PPP1R9A: variants seen among roughly 807,000 people sequenced by gnomAD.
The protein encoded by PPP1R9A is protein phosphatase 1 regulatory subunit 9A.
Under a neutral mutation model 141.9 loss-of-function variants are expected in PPP1R9A, and 59 were observed. The observed-to-expected ratio is 0.42, with a 90% confidence interval of 0.34 to 0.52. PPP1R9A has a LOEUF of 0.52. Among genes scored for constraint, PPP1R9A ranks in the 20% least tolerant of loss-of-function variants. The pLI is 0.10. For synonymous variants in PPP1R9A, 500 were observed against 569.7 expected (o/e 0.88, Z 1.74); for missense variants, 1,444 against 1,611.9 (o/e 0.90, Z 1.78).
chr7:95,083,086 A>G (rs1173424935), intron 2 of PPP1R9A, among the ~76,000 whole-genome samples: 2 of 151,922 alleles, frequency 1.3e-5, no homozygotes, highest in Non-Finnish European at 2.9e-5. Context: ...TGCAAGGTTC[A>G]TGGCTGTGGT....
intron 2 of PPP1R9A, among the ~76,000 whole-genome samples, chr7:95,102,875 A>G (rs1818973664): frequency 6.6e-6 from 1 of 152,234 alleles, no homozygotes; most frequent in South Asian, 2.1e-4. Flanking sequence ...TTATGGGTCA[A>G]CGTTGGTAGG....
intron 4 of PPP1R9A, among the ~76,000 whole-genome samples, chr7:95,151,235 CT>C (rs1171299612): frequency 6.6e-6 from 1 of 152,206 alleles, no homozygotes; most frequent in Non-Finnish European, 1.5e-5. Context: ...CCAGGATGTC[CT>C]ACACTGGGTG....
intron 2 of PPP1R9A, among the ~76,000 whole-genome samples, chr7:95,004,039 T>G (rs570566449): frequency 2.0e-5 from 3 of 152,066 alleles, no homozygotes; most frequent in Admixed American, 1.3e-4. Flanking sequence ...TGTTACAGTG[T>G]GGTGGCATTT....
intron 4 of PPP1R9A, among the ~76,000 whole-genome samples, chr7:95,130,319 C>T (rs1824356208): frequency 6.6e-6 from 1 of 152,158 alleles, no homozygotes; most frequent in African/African-American, 2.4e-5. Flanking sequence ...CAAGCCTTGG[C>T]AGCTTCCATA....
At chr7:95,281,761 G>C (rs531537930) in intron 16 of PPP1R9A, among the ~76,000 whole-genome samples, 1 of 152,084 alleles carries the variant, frequency 6.6e-6, no homozygotes, top group Non-Finnish European at 1.5e-5. Flanking sequence ...CTGTTCACTG[G>C]GAGTAGGACA....
intron 2 of PPP1R9A, among the ~76,000 whole-genome samples, chr7:95,050,802 AT>A (rs1432548499): frequency 1.3e-5 from 2 of 152,204 alleles, no homozygotes; most frequent in African/African-American, 4.8e-5. Context: ...AATTTAAGGC[AT>A]TTTAATTTTA....
chr7:95,272,474 G>T lies in PPP1R9A; in HGVS notation c.3125-1425G>T, dbSNP rs185163652. 1.9e-3 allele frequency among the ~76,000 whole-genome samples: 294 copies of T among 152,238 alleles called. 1 individual carries two copies. The highest frequency in any genetic ancestry group is 6.7e-3 in the African/African-American group (277 of 41,528). On this transcript the variant is annotated intron_variant, in intron 14 of 19. Transcript: ENST00000433360. ...ACCCAAAGAGTAATGATGCAAATAT[G>T]CATAATAAATATTTGAGGCTTGAAG...
chr7:95,267,048 T>C (rs1019906530), intron 12 of PPP1R9A, among the ~76,000 whole-genome samples: 5 of 152,138 alleles, frequency 3.3e-5, no homozygotes, highest in African/African-American at 1.2e-4. Flanking sequence ...TTCATTCAGA[T>C]ATAGGAAATG....
chr7:95,030,161 A>C (rs1281049401), intron 2 of PPP1R9A, among the ~76,000 whole-genome samples: 4 of 152,218 alleles, frequency 2.6e-5, no homozygotes, highest in Admixed American at 1.3e-4. Context: ...CAGCAGAGTA[A>C]TATTGGGCAA....
intron 12 of PPP1R9A, among the ~76,000 whole-genome samples, chr7:95,264,967 A>G (rs564786157): frequency 6.6e-6 from 1 of 152,198 alleles, no homozygotes; most frequent in Non-Finnish European, 1.5e-5. Context: ...ACAGTGAGAG[A>G]AATGGCCACT....
At chr7:95,037,947 A>G (rs920672323) in intron 2 of PPP1R9A, among the ~76,000 whole-genome samples, 3 of 89,994 alleles carry the variant, frequency 3.3e-5, no homozygotes. Flanking sequence ...CTACAAAATA[A>G]TTTAAAAAAA....
intron 2 of PPP1R9A, among the ~76,000 whole-genome samples, chr7:95,029,316 T>G (rs1260657858): frequency 6.6e-6 from 1 of 152,182 alleles, no homozygotes; most frequent in Non-Finnish European, 1.5e-5. Context: ...GTGTAGTAAG[T>G]CCTAACTTAA....
At chr7:95,273,330 C>T (rs1451906463) in intron 14 of PPP1R9A, among the ~76,000 whole-genome samples, 4 of 152,222 alleles carry the variant, frequency 2.6e-5, no homozygotes, top group East Asian at 1.9e-4. Flanking sequence ...GAGTCTCCCC[C>T]ATGTCCTCCC....
chr7:95,005,566 G>A (rs1435095716), intron 2 of PPP1R9A, among the ~76,000 whole-genome samples: 2 of 151,952 alleles, frequency 1.3e-5, no homozygotes, highest in East Asian at 1.9e-4. Context: ...TCCACAGAAT[G>A]GTTTTAAATT....
At chr7:95,238,093 A>G (rs1189580637) in intron 8 of PPP1R9A, among the ~76,000 whole-genome samples, 3 of 152,190 alleles carry the variant, frequency 2.0e-5, no homozygotes, top group Admixed American at 2.0e-4. Flanking sequence ...TTTATCGTTT[A>G]ACAAAATAAT....
At chr7:95,141,006 C>T (rs1474332864) in intron 4 of PPP1R9A, among the ~76,000 whole-genome samples, 1 of 152,168 alleles carries the variant, frequency 6.6e-6, no homozygotes, top group African/African-American at 2.4e-5. Context: ...AGGCTTGAGC[C>T]ACTACTCCCA....
intron 2 of PPP1R9A, among the ~76,000 whole-genome samples, chr7:94,952,138 G>A (rs1796546740): frequency 6.6e-6 from 1 of 151,964 alleles, no homozygotes; most frequent in Non-Finnish European, 1.5e-5. Flanking sequence ...AGTGTGTGAT[G>A]TTCCCCTCCC....
At chr7:95,115,662 T>A (rs572645548) in intron 3 of PPP1R9A, among the ~76,000 whole-genome samples, 2 of 152,176 alleles carry the variant, frequency 1.3e-5, no homozygotes, top group Non-Finnish European at 1.5e-5. Context: ...CTCATGTCTA[T>A]AATCCCAGCA....
intron 7 of PPP1R9A, among the ~76,000 whole-genome samples, chr7:95,209,932 A>G (rs1005172190): frequency 6.6e-6 from 1 of 152,186 alleles, no homozygotes; most frequent in African/African-American, 2.4e-5. Context: ...CCACAGTTCT[A>G]CTGGCATCAG....
Sources: gnomAD v4.1 joint callset for allele counts (sites outside exome capture counted in the v4.1 genomes callset) on GRCh38, gnomAD v4.1.1 for gene constraint, MANE v1.5 for transcripts, NCBI Gene and HGNC (gene_info 2026-07-23, HGNC 2026-07-21) for gene names.